Variants in NAALADL2 observed in about 807,000 individuals in gnomAD.
The protein encoded by NAALADL2 is inactive N-acetylated-alpha-linked acidic dipeptidase-like protein 2.
A neutral mutation model predicts 87.2 loss-of-function variants in NAALADL2; 76 were observed. That is an observed-to-expected ratio of 0.87 (90% CI 0.72 to 1.05). The LOEUF (loss-of-function observed/expected upper bound fraction) is 1.05. Among genes scored for constraint, NAALADL2 ranks in the 50% least tolerant of loss-of-function variants. NAALADL2 has a pLI of 0.00. For synonymous variants in NAALADL2, 354 were observed against 331.0 expected (o/e 1.07, Z -0.75); for missense variants, 1,089 against 945.8 (o/e 1.15, Z -1.99).
chr3:174,887,416 C>T (rs961764740), intron 1 of NAALADL2, among the ~76,000 whole-genome samples: 4 of 152,034 alleles, frequency 2.6e-5, no homozygotes, highest in Admixed American at 1.3e-4. Context: ...ATTAGTAGGT[C>T]ACCATATACA....
chr3:175,057,129 T>G (rs1712373886), intron 1 of NAALADL2, among the ~76,000 whole-genome samples: 1 of 152,216 alleles, frequency 6.6e-6, no homozygotes, highest in Admixed American at 6.5e-5. Context: ...GGCAAGATGT[T>G]ACTCATTCAA....
chr3:175,038,070 C>T (rs948492061), intron 1 of NAALADL2, among the ~76,000 whole-genome samples: 10 of 152,034 alleles, frequency 6.6e-5, no homozygotes, highest in Non-Finnish European at 2.9e-5. Flanking sequence ...TTTTTATTGT[C>T]ATGACAGTCC....
intron 1 of NAALADL2, among the ~76,000 whole-genome samples, chr3:174,971,233 T>C (rs1743597291): frequency 6.6e-6 from 1 of 152,190 alleles, no homozygotes; most frequent in Non-Finnish European, 1.5e-5. Context: ...GAGATTTGGA[T>C]GGGGAGACAG....
At chr3:174,891,244 C>T (rs1032857989) in intron 1 of NAALADL2, among the ~76,000 whole-genome samples, 15 of 152,012 alleles carry the variant, frequency 9.9e-5, no homozygotes, top group African/African-American at 3.6e-4. Context: ...AGAATACACT[C>T]TAAGGTGGCA....
intron 3 of NAALADL2, among the ~76,000 whole-genome samples, chr3:174,817,635 C>G (rs1720950008): frequency 6.6e-6 from 1 of 151,984 alleles, no homozygotes. Flanking sequence ...AATTTAAAAG[C>G]TCTTTAAAAT....
intron 1 of NAALADL2, among the ~76,000 whole-genome samples, chr3:174,904,586 ATAG>A (rs1732751232): frequency 6.8e-6 from 1 of 148,134 alleles, no homozygotes; most frequent in African/African-American, 2.5e-5. Context: ...CAATCAAATA[ATAG>A]TAAAAGTAAT....
At position 174,893,310 on chromosome 3, in the gene NAALADL2, A is replaced by ACC. The variant is rs35730234; in HGVS notation, c.43+33868_43+33869dup. On this transcript the variant is annotated intron_variant, in intron 1 of 13. Coordinates refer to ENST00000454872, the MANE Select transcript of NAALADL2 (RefSeq NM_207015.3). ...AAGAAATATCAAAGGGAGTACTTCA[A>ACC]CCCCCCCCCGCAAAAAGTTATTATT... Among the ~76,000 whole-genome samples, 452 of 139,360 alleles carry ACC rather than the reference A, an allele frequency of 3.2e-3. 2 individuals are homozygous for ACC. The highest frequency in any genetic ancestry group is 8.8e-3 in the African/African-American group (328 of 37,346). 91.4% of individuals were successfully genotyped at this position (139,360 alleles called of 152,430 possible).
chr3:175,605,640 G>GTTTTTTTTTTTTTTTTTTT (rs751433758), intron 10 of NAALADL2, among the ~76,000 whole-genome samples: 2 of 36,686 alleles, frequency 5.5e-5, no homozygotes, highest in Non-Finnish European at 6.4e-5. Flanking sequence ...TATATTGCTT[G>GTTTTTTTTTTTTTTTTTTT]TTTTTTTTTT....
At chr3:175,548,071 A>G (rs1169595509) in intron 9 of NAALADL2, among the ~76,000 whole-genome samples, 4 of 152,178 alleles carry the variant, frequency 2.6e-5, no homozygotes, top group Non-Finnish European at 4.4e-5. Context: ...AAAGGAATAT[A>G]AACCATTCTG....
At chr3:174,638,276 A>G (rs1260658943) in intron 2 of NAALADL2, among the ~76,000 whole-genome samples, 1 of 152,180 alleles carries the variant, frequency 6.6e-6, no homozygotes, top group Non-Finnish European at 1.5e-5. Context: ...GCTTTTTGGT[A>G]GGCCATGGAG....
chr3:174,845,224 G>A (rs111514759), intron 3 of NAALADL2, among the ~76,000 whole-genome samples: 1 of 152,170 alleles, frequency 6.6e-6, no homozygotes, highest in Non-Finnish European at 1.5e-5. Flanking sequence ...ACCACCTCCA[G>A]GCTGGCTGTT....
chr3:175,556,222 T>G (rs1020595072), intron 9 of NAALADL2, among the ~76,000 whole-genome samples: 2 of 152,062 alleles, frequency 1.3e-5, no homozygotes, highest in Non-Finnish European at 2.9e-5. Flanking sequence ...GCAACAAGTA[T>G]TTAAAAAATA....
intron 1 of NAALADL2, among the ~76,000 whole-genome samples, chr3:174,508,004 G>C (rs1719315459): frequency 6.6e-6 from 1 of 151,678 alleles, no homozygotes; most frequent in South Asian, 2.1e-4. Flanking sequence ...ATAAATGTCT[G>C]AACCATTTTG....
At chr3:174,940,744 A>G (rs1463680038) in intron 1 of NAALADL2, among the ~76,000 whole-genome samples, 1 of 151,954 alleles carries the variant, frequency 6.6e-6, no homozygotes, top group Non-Finnish European at 1.5e-5. Context: ...CAGTCTTGAG[A>G]GGTTGCTTAT....
At chr3:175,696,124 C>T (rs1323008502) in intron 11 of NAALADL2, among the ~76,000 whole-genome samples, 1 of 152,060 alleles carries the variant, frequency 6.6e-6, no homozygotes, top group African/African-American at 2.4e-5. Flanking sequence ...TCAACACCTT[C>T]AGAAAATTAA....
At chr3:175,446,625 A>C (rs2149220126) in intron 5 of NAALADL2, among the ~76,000 whole-genome samples, 1 of 152,240 alleles carries the variant, frequency 6.6e-6, no homozygotes, top group East Asian at 1.9e-4. Flanking sequence ...TTTCTGCTGA[A>C]GTGAGGAAGG....
intron 4 of NAALADL2, among the ~76,000 whole-genome samples, chr3:175,258,321 CA>C (rs1750414912): frequency 9.2e-6 from 1 of 108,212 alleles, no homozygotes; most frequent in Non-Finnish European, 1.8e-5. Context: ...CCGCCCCCAC[CA>C]CCAAAAAAAA....
chr3:174,881,658 G>A (rs1653931829), intron 1 of NAALADL2, among the ~76,000 whole-genome samples: 1 of 151,916 alleles, frequency 6.6e-6, no homozygotes, highest in Non-Finnish European at 1.5e-5. Context: ...TACTCCATGC[G>A]GGCAGCATGT....
At chr3:175,626,651 T>C (rs1727022035) in intron 10 of NAALADL2, among the ~76,000 whole-genome samples, 1 of 151,848 alleles carries the variant, frequency 6.6e-6, no homozygotes, top group Admixed American at 6.6e-5. Context: ...GATTATTTAT[T>C]CCCAGTCTCT....
Sources: gnomAD v4.1 joint callset for allele counts (sites outside exome capture counted in the v4.1 genomes callset) on GRCh38, gnomAD v4.1.1 for gene constraint, MANE v1.5 for transcripts, NCBI Gene and HGNC (gene_info 2026-07-23, HGNC 2026-07-21) for gene names.